Variants in RBAK observed in about 807,000 individuals in gnomAD.
The protein encoded by RBAK is RB-associated KRAB zinc finger protein.
In RBAK, 39 loss-of-function variants were observed where a neutral mutation model predicts 65.8. That is an observed-to-expected ratio of 0.59 (90% CI 0.46 to 0.77). RBAK has a LOEUF of 0.77. Ranked by LOEUF, RBAK falls within the 30% of genes least tolerant of loss-of-function variation. The pLI is 0.00. For missense variants in RBAK, 884 were observed against 855.1 expected, an observed-to-expected ratio of 1.03 and a Z score of -0.42; for synonymous variants, 343 against 289.7, an observed-to-expected ratio of 1.18 and a Z score of -1.87.
At position 5,065,738 on chromosome 7, in the gene RBAK, A is replaced by T. The variant is rs569891147; in HGVS notation, c.*137A>T. The T allele has an allele frequency of 1.8e-6, 1 of 567,562 alleles. No individual in the cohort carries two copies. Among genetic ancestry groups the T allele is most frequent in the East Asian group, 3.2e-5 (1 of 31,352 alleles). 35.2% of individuals were successfully genotyped at this position (567,562 alleles called of 1,614,324 possible). ...TAGGCATTAGAGTCATTTTAATCCA[A>T]ATTTTCACAGAGAAGAATCCCGAAG... On this transcript the variant is annotated 3_prime_UTR_variant, in exon 5 of 5. Coordinates refer to ENST00000396912, the MANE Select transcript of RBAK (RefSeq NM_021163.4). This position sits in a 1 kb window ranked among gnomAD's most constrained non-coding sequence, Gnocchi z 5.3.
intron 4 of RBAK, among the ~76,000 whole-genome samples, chr7:5,058,644 A>T (rs1159334844): frequency 6.6e-6 from 1 of 152,096 alleles, no homozygotes; most frequent in African/African-American, 2.4e-5. Context: ...GCACTCCCTC[A>T]GCCTTCGTCT....
At position 5,046,144 on chromosome 7, in the gene RBAK, G is replaced by T. The variant is rs1438299793; in HGVS notation, c.-297G>T. The T allele has an allele frequency of 5.0e-6, 2 of 398,606 alleles. No homozygotes were observed. Among genetic ancestry groups the T allele is most frequent in the Admixed American group, 2.8e-5 (1 of 35,974 alleles). The allele number at this position is 398,606 out of a possible 1,614,324, so 24.7% of individuals were successfully genotyped here. ...GAGGCGAAGGGGCGGCGGGACGCGG[G>T]CCTGGCCCGTGTGTGTCCTGGCGGC... On this transcript the variant is annotated 5_prime_UTR_variant, in exon 1 of 5. Coordinates refer to ENST00000396912, the MANE Select transcript of RBAK (RefSeq NM_021163.4).
intron 1 of RBAK, 130 bp from the exon 2 acceptor site, chr7:5,047,903 A>C (rs1362633414): frequency 1.9e-6 from 1 of 524,576 alleles, no homozygotes. Flanking sequence ...GGCCCTTCTG[A>C]GTGTTTGCAG....
Position 5,048,134 on chromosome 7 carries a change from A to G in RBAK, c.15+43A>G. ...TGTATATGTTCCTCAACTTTATTTT[A>G]TGATGCATTTTAAGAGGTTTGTAAG... is the stretch of plus-strand genomic sequence containing the variant. On this transcript the variant is annotated intron_variant, in intron 2 of 4. Coordinates refer to ENST00000396912, the MANE Select transcript of RBAK (RefSeq NM_021163.4). The surrounding 1 kb of genome is among the most constrained non-coding windows in gnomAD (Gnocchi z 4.4). 6.4e-7 allele frequency: 1 copy of G among 1,563,140 alleles called. No homozygotes were observed. Among genetic ancestry groups the G allele is most frequent in the Non-Finnish European group, 8.7e-7 (1 of 1,155,968 alleles).
chr7:5,064,584 C>T lies in RBAK; in HGVS notation c.1128C>T (p.Asn376=), dbSNP rs551906212. Residue 376 remains asparagine, a synonymous_variant, in exon 5 of 5, where the codon AAC becomes AAT. Coordinates refer to ENST00000396912, the MANE Select transcript of RBAK (RefSeq NM_021163.4). This position sits in a 1 kb window ranked among gnomAD's most constrained non-coding sequence, Gnocchi z 6.3. ...CAGGAGAGAGGCCCTATCCATGTAA[C>T]GAATGTGGGAAATCCTTCTCCCGCA... ...NHSGERPYPC[N]ECGKSFSRKS... 20 of 1,613,822 alleles carry T rather than the reference C, an allele frequency of 1.2e-5. 1 individual carries two copies. Among genetic ancestry groups the T allele is most frequent in the South Asian group, 6.6e-5 (6 of 91,072 alleles).
At chr7:5,057,260 C>T (rs372547981) in intron 2 of RBAK, 35 bp from the exon 3 acceptor site, 25 of 1,613,700 alleles carry the variant, frequency 1.5e-5, no homozygotes, top group Middle Eastern at 1.6e-4. Context: ...ATCCCTTTTC[C>T]GTATCTCCCA....
intron 1 of RBAK, among the ~76,000 whole-genome samples, chr7:5,047,127 A>T (rs1788006029): frequency 6.6e-6 from 1 of 152,196 alleles, no homozygotes; most frequent in South Asian, 2.1e-4. Flanking sequence ...GGCCGGATGC[A>T]GTGGCTCACA....
At chr7:5,063,653 T>C in intron 4 of RBAK, 42 bp from the exon 5 acceptor site, 2 of 1,452,386 alleles carry the variant, frequency 1.4e-6, no homozygotes. Flanking sequence ...ATAGCTAGTG[T>C]GTTCAGATTT....
chr7:5,057,448 T>C, intron 3 of RBAK, 27 bp downstream of exon 3: 2 of 1,614,134 alleles, frequency 1.2e-6, no homozygotes, highest in Non-Finnish European at 1.7e-6. Flanking sequence ...TTCTGAATGC[T>C]CTCAGTTGAA....
chr7:5,051,036 A>C (rs923798420), intron 2 of RBAK, among the ~76,000 whole-genome samples: 1 of 152,198 alleles, frequency 6.6e-6, no homozygotes, highest in African/African-American at 2.4e-5. Context: ...ATTTCAGTAC[A>C]TCAAAGTTGT....
chr7:5,066,460 A>T lies in RBAK; in HGVS notation c.*859A>T, dbSNP rs557044228. ...TTTAAGTCTATTTCAGTGAAAGAGA[A>T]CAAGCATACTGCCCATACTCTAAAA... is the stretch of plus-strand genomic sequence containing the variant. On this transcript the variant is annotated 3_prime_UTR_variant, in exon 5 of 5. Coordinates refer to ENST00000396912, the MANE Select transcript of RBAK (RefSeq NM_021163.4). 6.6e-6 allele frequency: 1 copy of T among 152,176 alleles called. No individual in the cohort carries two copies. Among genetic ancestry groups the T allele is most frequent in the East Asian group, 1.9e-4 (1 of 5,206 alleles). 9.4% of individuals were successfully genotyped at this position (152,176 alleles called of 1,614,324 possible). A position where few individuals can be genotyped will look rare whatever the true frequency, so the allele number is the denominator to read the frequency against.
chr7:5,050,588 TC>T (rs1788094326), intron 2 of RBAK, among the ~76,000 whole-genome samples: 8 of 152,330 alleles, frequency 5.3e-5, no homozygotes, highest in African/African-American at 1.2e-4. Flanking sequence ...ACCTTTCTTT[TC>T]TTTTCTTTTT....
At chr7:5,054,808 T>G (rs1428199343) in intron 2 of RBAK, among the ~76,000 whole-genome samples, 1 of 152,148 alleles carries the variant, frequency 6.6e-6, no homozygotes. Context: ...TCATATGAAC[T>G]GTAGTGTCAG....
Position 5,065,216 on chromosome 7 carries a change from G to T in RBAK, c.1760G>T (p.Arg587Ile), listed in dbSNP as rs1399737063. 2 of 1,613,444 alleles carry T rather than the reference G, an allele frequency of 1.2e-6. No homozygotes were observed. The highest frequency in any genetic ancestry group is 1.7e-6 in the Non-Finnish European group (2 of 1,179,862). The change falls in exon 5 of 5, where the codon AGA becomes ATA. Residue 587 changes from arginine to isoleucine, a missense_variant. Coordinates refer to ENST00000396912, the MANE Select transcript of RBAK (RefSeq NM_021163.4). The surrounding 1 kb of genome is among the most constrained non-coding windows in gnomAD (Gnocchi z 5.3). The part of the protein sequence containing the change: ...SHNSSLFRHQ[R>I]VHTGEKPYEC... ...AATTCATCCCTCTTCAGACATCAAA[G>T]AGTACACACAGGCGAGAAACCCTAT...
Position 5,048,297 on chromosome 7 carries a change from C to T in RBAK, c.15+206C>T, listed in dbSNP as rs183430112. ...AAGCGATTCTCCTGCCTCAGCCTCC[C>T]GAGTAGCTGGGATTACAGGCGTGCG... On this transcript the variant is annotated intron_variant, in intron 2 of 4. Transcript: ENST00000396912. The surrounding 1 kb of genome is among the most constrained non-coding windows in gnomAD (Gnocchi z 4.4). 2.2e-3 allele frequency among the ~76,000 whole-genome samples: 342 copies of T among 152,094 alleles called. 4 individuals carry two copies. Among genetic ancestry groups the T allele is most frequent in the African/African-American group, 7.4e-3 (306 of 41,484 alleles).
In RBAK at chr7:5,066,805, A is replaced by G. The variant is rs1402702161; in HGVS notation, c.*1204A>G. ...AATGATTTCATTCTCTTTGCCAGTAACTTGTTTTATAGTGGTCATATGACC... is the reference window on the plus strand; with the variant it reads ...AATGATTTCATTCTCTTTGCCAGTAGCTTGTTTTATAGTGGTCATATGACC... On this transcript the variant is annotated 3_prime_UTR_variant, in exon 5 of 5. Coordinates refer to ENST00000396912, the MANE Select transcript of RBAK (RefSeq NM_021163.4). 1.3e-5 allele frequency: 2 copies of G among 152,192 alleles called. No individual in the cohort carries two copies. The allele number at this position is 152,192 out of a possible 1,614,324, so 9.4% of individuals were successfully genotyped here.
Position 5,048,413 on chromosome 7 carries a change from A to T in RBAK, c.15+322A>T, listed in dbSNP as rs112494251. On this transcript the variant is annotated intron_variant, in intron 2 of 4. Transcript: ENST00000396912. This position sits in a 1 kb window ranked among gnomAD's most constrained non-coding sequence, Gnocchi z 4.4. ...GGTCTCAAACTCCTGACCTCAGGTG[A>T]TCCTCCTGCCTCAGCCTCCCAAAGT... Among the ~76,000 whole-genome samples, 14,228 of 152,236 alleles carry T rather than the reference A, an allele frequency of 0.093. 741 individuals carry two copies. The highest frequency in any genetic ancestry group is 0.18 in the East Asian group (913 of 5,170).
Position 5,048,001 on chromosome 7 carries a change from A to G in RBAK, c.-44-32A>G. The G allele has an allele frequency of 8.1e-7, 1 of 1,232,584 alleles. No homozygotes were observed. The highest frequency in any genetic ancestry group is 1.1e-6 in the Non-Finnish European group (1 of 874,906). The allele number at this position is 1,232,584 out of a possible 1,614,324, so 76.4% of individuals were successfully genotyped here. A position where few individuals can be genotyped will look rare whatever the true frequency, so the allele number is the denominator to read the frequency against. On this transcript the variant is annotated intron_variant, in intron 1 of 4. Transcript: ENST00000396912. This position sits in a 1 kb window ranked among gnomAD's most constrained non-coding sequence, Gnocchi z 4.4. ...CCTGCCTTTGCAGGCCAGAGCACTC[A>G]TGACTTCAGTGACCTGCTTCTCCCC...
intron 3 of RBAK, 120 bp downstream of exon 3, chr7:5,057,541 T>C: frequency 6.3e-7 from 1 of 1,595,506 alleles, no homozygotes; most frequent in Admixed American, 1.7e-5. Context: ...GTTTATATTA[T>C]TATTCATTGA....
Sources: gnomAD v4.1 joint callset for allele counts (sites outside exome capture counted in the v4.1 genomes callset) on GRCh38, gnomAD v4.1.1 for gene constraint, Gnocchi (gnomAD v3.1) non-coding constraint, MANE v1.5 for transcripts, NCBI Gene and HGNC (gene_info 2026-07-23, HGNC 2026-07-21) for gene names.